Variants in PTPN14 observed in about 807,000 individuals in gnomAD.
PTPN14 encodes the protein protein tyrosine phosphatase non-receptor type 14, also known as tyrosine-protein phosphatase non-receptor type 14.
In PTPN14, 53 loss-of-function variants were observed where a neutral mutation model predicts 126.8. The observed-to-expected ratio is 0.42, with a 90% confidence interval of 0.34 to 0.53. PTPN14 has a LOEUF of 0.53. Ranked by LOEUF, PTPN14 falls within the 20% of genes least tolerant of loss-of-function variation. PTPN14 has a pLI of 0.08. For missense variants in PTPN14, 1,257 were observed against 1,552.9 expected, an observed-to-expected ratio of 0.81 and a Z score of 3.20; for synonymous variants, 630 against 599.3, an observed-to-expected ratio of 1.05 and a Z score of -0.75.
chr1:214,377,438 C>T lies in PTPN14; in HGVS notation c.2688+521G>A, dbSNP rs1474090231. ...AACCATGGGGTACTGGGCTTAATAC[C>T]TGGGTGATGAAATAATACGTACAAC... On this transcript the variant is annotated intron_variant, in intron 14 of 18. Transcript: ENST00000366956. 7.2e-5 allele frequency among the ~76,000 whole-genome samples: 11 copies of T among 152,014 alleles called. 1 individual carries two copies. Among genetic ancestry groups the T allele is most frequent in the Admixed American group, 7.2e-4 (11 of 15,262 alleles).
intron 1 of PTPN14, among the ~76,000 whole-genome samples, chr1:214,541,637 T>C (rs1655839186): frequency 1.3e-5 from 2 of 152,198 alleles, no homozygotes; most frequent in South Asian, 2.1e-4. Flanking sequence ...AGCTCATCTG[T>C]TACGTGATGG....
intron 11 of PTPN14, among the ~76,000 whole-genome samples, chr1:214,387,689 AAAGAAAGAAAG>A (rs1346479721): frequency 1.3e-5 from 2 of 150,620 alleles, no homozygotes; most frequent in East Asian, 3.9e-4. Flanking sequence ...AAAAAAAAAA[AAAGAAAGAAAG>A]AAAGAAAGAG....
chr1:214,412,748 G>C (rs1659337152), intron 4 of PTPN14, among the ~76,000 whole-genome samples: 1 of 152,180 alleles, frequency 6.6e-6, no homozygotes, highest in Non-Finnish European at 1.5e-5. Context: ...CCAACAAAAA[G>C]GGAATCCAGA....
At chr1:214,403,578 CT>C (rs1659089399) in intron 5 of PTPN14, among the ~76,000 whole-genome samples, 1 of 152,206 alleles carries the variant, frequency 6.6e-6, no homozygotes, top group African/African-American at 2.4e-5. Context: ...GATGTGCTGA[CT>C]ACTATGGGCT....
chr1:214,384,297 T>C lies in PTPN14; in HGVS notation c.1558A>G (p.Lys520Glu). Reference sequence around the variant, plus strand: ...GGCTTGCTTGGTACCACATTATTCTTTGGGTTCCTCTGGTCAGATGGACTG... The same window carrying C: ...GGCTTGCTTGGTACCACATTATTCTCTGGGTTCCTCTGGTCAGATGGACTG... ...LVSPSDQRNP[K>E]NNVVPSKPGA... is the part of the protein sequence containing the mutation. The change falls in exon 13 of 19, where the codon AAG becomes GAG. Residue 520 changes from lysine to glutamate, a missense_variant. Around this residue, in one of 3 missense-constraint regions of PTPN14, gnomAD observed 1,021 missense variants for 1,183.3 expected, o/e 0.86. Transcript: ENST00000366956. This position sits in a 1 kb window ranked among gnomAD's most constrained non-coding sequence, Gnocchi z 5.3. The C allele has an allele frequency of 6.2e-7, 1 of 1,614,158 alleles. No homozygotes were observed. The highest frequency in any genetic ancestry group is 8.5e-7 in the Non-Finnish European group (1 of 1,180,024).
intron 18 of PTPN14, among the ~76,000 whole-genome samples, chr1:214,361,051 G>A (rs923083257): frequency 6.6e-6 from 1 of 152,036 alleles, no homozygotes; most frequent in Non-Finnish European, 1.5e-5. Context: ...TAAGTTTCCT[G>A]AGGCCTCCCA....
chr1:214,401,196 A>G (rs918531623), intron 7 of PTPN14, among the ~76,000 whole-genome samples: 5 of 152,204 alleles, frequency 3.3e-5, no homozygotes, highest in African/African-American at 1.2e-4. Flanking sequence ...TCCATAAAAC[A>G]CCAAAGGGGC....
At chr1:214,448,276 G>T (rs1242460942) in intron 3 of PTPN14, among the ~76,000 whole-genome samples, 1 of 152,178 alleles carries the variant, frequency 6.6e-6, no homozygotes, top group Non-Finnish European at 1.5e-5. Flanking sequence ...TGTCGCCCAG[G>T]CTGGAGTGCA....
chr1:214,436,151 C>T (rs887910321), intron 3 of PTPN14, among the ~76,000 whole-genome samples: 3 of 152,100 alleles, frequency 2.0e-5, no homozygotes, highest in Non-Finnish European at 4.4e-5. Flanking sequence ...GAACAGAAAA[C>T]CAAATACCGC....
rs781333762 is a variant in PTPN14, at chr1:214,394,974, C to T, written c.771G>A (p.Met257Ile). The stretch of plus-strand genomic sequence containing the variant: ...TCGACTTGTTATGAGTGATATTCCC[C>T]ATGTCATTCCACCTGGTTAGAAGAA... ...RQAVIYRWND[M>I]GNITHNKSTI... The change falls in exon 9 of 19, where the codon ATG becomes ATA. Residue 257 changes from methionine to isoleucine, a missense_variant. Physicochemically the swap from Met to Ile is conservative, Grantham distance 10. Around this residue, in one of 3 missense-constraint regions of PTPN14, gnomAD observed 1,021 missense variants for 1,183.3 expected, o/e 0.86. Transcript: ENST00000366956. 2.5e-6 allele frequency: 4 copies of T among 1,612,054 alleles called. No homozygotes were observed. Among genetic ancestry groups the T allele is most frequent in the South Asian group, 2.2e-5 (2 of 91,050 alleles).
chr1:214,453,724 CTG>C (rs979646686), intron 2 of PTPN14, among the ~76,000 whole-genome samples: 4 of 152,140 alleles, frequency 2.6e-5, no homozygotes, highest in African/African-American at 9.7e-5. Flanking sequence ...ACTGACATCT[CTG>C]TGAACCAGAG....
chr1:214,549,433 A>C (rs1468175539), intron 1 of PTPN14, among the ~76,000 whole-genome samples: 1 of 152,218 alleles, frequency 6.6e-6, no homozygotes, highest in Non-Finnish European at 1.5e-5. Context: ...AGCAGAGAAA[A>C]GTATAACAAA....
intron 12 of PTPN14, 69 bp downstream of exon 12, chr1:214,386,775 A>C: frequency 7.2e-7 from 1 of 1,390,474 alleles, no homozygotes; most frequent in African/African-American, 1.4e-5. Flanking sequence ...TTTTTTTTAA[A>C]GCCTTCTTTA....
chr1:214,525,188 G>A (rs1235364178), intron 1 of PTPN14, among the ~76,000 whole-genome samples: 2 of 152,190 alleles, frequency 1.3e-5, no homozygotes, highest in African/African-American at 4.8e-5. Flanking sequence ...ATGTTTTGCA[G>A]AGGGCAGTGG....
intron 11 of PTPN14, among the ~76,000 whole-genome samples, chr1:214,387,123 A>G (rs1658637512): frequency 6.6e-6 from 1 of 152,254 alleles, no homozygotes; most frequent in South Asian, 2.1e-4. Context: ...CTGGAGAAAC[A>G]GTAAGGGAGA....
At chr1:214,505,912 T>C (rs1654831495) in intron 1 of PTPN14, among the ~76,000 whole-genome samples, 1 of 152,172 alleles carries the variant, frequency 6.6e-6, no homozygotes, top group Non-Finnish European at 1.5e-5. Flanking sequence ...ATCGAGTTTG[T>C]AATAAGCAGA....
intron 2 of PTPN14, among the ~76,000 whole-genome samples, chr1:214,458,074 G>A (rs1308989780): frequency 6.6e-6 from 1 of 152,028 alleles, no homozygotes; most frequent in Non-Finnish European, 1.5e-5. Flanking sequence ...GAGAGACAGA[G>A]AGATTCACTC....
chr1:214,376,548 C>T, intron 14 of PTPN14, 111 bp from the exon 15 acceptor site: 1 of 898,508 alleles, frequency 1.1e-6, no homozygotes. Flanking sequence ...ATTTCAAGTT[C>T]TACAATCAAT....
chr1:214,411,610 G>C (rs1450721257), intron 5 of PTPN14, 74 bp downstream of exon 5: 1 of 1,196,040 alleles, frequency 8.4e-7, no homozygotes, highest in Non-Finnish European at 1.2e-6. Context: ...GTAAAATCCT[G>C]AAATTTTCAA....
Sources: allele counts gnomAD v4.1 joint callset (sites outside exome capture counted in the v4.1 genomes callset), GRCh38; gene constraint gnomAD v4.1.1; regional missense constraint gnomAD v4.1.1; non-coding constraint Gnocchi (gnomAD v3.1); transcripts MANE v1.5; gene names NCBI Gene and HGNC (gene_info 2026-07-23, HGNC 2026-07-21).